The following FUT8 variants were observed in gnomAD, a reference collection of about 807,000 sequenced individuals.
FUT8 encodes fucosyltransferase 8, also known as alpha-(1,6)-fucosyltransferase.
In FUT8, 29 loss-of-function variants were observed where a neutral mutation model predicts 71.3. The observed-to-expected ratio is 0.41, with a 90% CI of 0.30 to 0.55. The LOEUF is 0.55. FUT8 is among the 20% of genes least tolerant of loss of function. The probability of loss-of-function intolerance (pLI) is 0.34; values close to 1 mark genes in which losing one functional copy is unlikely to be tolerated. For synonymous variants in FUT8, 254 were observed against 239.3 expected (o/e 1.06, Z -0.57); for missense variants, 544 against 702.1 (o/e 0.77, Z 2.55).
chr14:65,666,759 G>A (rs939345600), intron 6 of FUT8, among the ~76,000 whole-genome samples: 3 of 152,026 alleles, frequency 2.0e-5, no homozygotes, highest in African/African-American at 7.2e-5. Flanking sequence ...GATGAACATA[G>A]ATGCAAAAAT....
At chr14:65,545,645 A>C (rs539578637) in intron 2 of FUT8, among the ~76,000 whole-genome samples, 3 of 151,874 alleles carry the variant, frequency 2.0e-5, no homozygotes, top group East Asian at 3.9e-4. Flanking sequence ...TACTCTTTTC[A>C]GTTGTTAAAA....
intron 3 of FUT8, among the ~76,000 whole-genome samples, chr14:65,586,601 G>A (rs1374745655): frequency 6.6e-6 from 1 of 152,150 alleles, no homozygotes; most frequent in Non-Finnish European, 1.5e-5. Context: ...GGAGTTGGAA[G>A]TATTTTCATG....
intron 3 of FUT8, among the ~76,000 whole-genome samples, chr14:65,591,407 C>T (rs989619244): frequency 5.3e-5 from 8 of 152,148 alleles, no homozygotes; most frequent in East Asian, 3.8e-4. Flanking sequence ...AAATTCAACT[C>T]CCTTGTTCTG....
At chr14:65,570,462 GA>G (rs1230540272) in intron 3 of FUT8, among the ~76,000 whole-genome samples, 2 of 151,722 alleles carry the variant, frequency 1.3e-5, no homozygotes, top group African/African-American at 4.8e-5. Context: ...CAGTGAGAAT[GA>G]GAATAGGGTT....
At chr14:65,479,501 A>G (rs1285329105) in intron 2 of FUT8, among the ~76,000 whole-genome samples, 2 of 152,104 alleles carry the variant, frequency 1.3e-5, no homozygotes, top group African/African-American at 4.8e-5. Flanking sequence ...TATGAGTGAG[A>G]TTCAGCATTT....
At chr14:65,568,796 T>C (rs1257065688) in intron 3 of FUT8, among the ~76,000 whole-genome samples, 1 of 151,700 alleles carries the variant, frequency 6.6e-6, no homozygotes, top group Non-Finnish European at 1.5e-5. Flanking sequence ...TATTAATTTT[T>C]ATAAACACTC....
chr14:65,391,399 A>T, the FUT8 span, among the ~76,000 whole-genome samples: 1 of 152,172 alleles, frequency 6.6e-6, no homozygotes, highest in Non-Finnish European at 1.5e-5. Context: ...CTTGTTGCCC[A>T]GGCTGCAGTG....
intron 6 of FUT8, among the ~76,000 whole-genome samples, chr14:65,633,377 A>G (rs1890321943): frequency 6.6e-6 from 1 of 150,704 alleles, no homozygotes; most frequent in Non-Finnish European, 1.5e-5. Context: ...TACAACCTCC[A>G]CCTCCCAGCC....
At chr14:65,542,212 G>A (rs1021096128) in intron 2 of FUT8, among the ~76,000 whole-genome samples, 1 of 152,068 alleles carries the variant, frequency 6.6e-6, no homozygotes, top group Non-Finnish European at 1.5e-5. Flanking sequence ...GAATTATGAC[G>A]GTCATTTTAA....
intron 7 of FUT8, among the ~76,000 whole-genome samples, chr14:65,685,979 G>A (rs1893269329): frequency 6.6e-6 from 1 of 152,128 alleles, no homozygotes; most frequent in Non-Finnish European, 1.5e-5. Context: ...CTGTGATTTA[G>A]AATACCTGAC....
intron 2 of FUT8, among the ~76,000 whole-genome samples, chr14:65,527,096 T>G (rs1013304685): frequency 1.3e-5 from 2 of 152,170 alleles, no homozygotes; most frequent in Admixed American, 6.5e-5. Context: ...TTTCCTGAAT[T>G]TGAATGTTGG....
intron 2 of FUT8, among the ~76,000 whole-genome samples, chr14:65,507,094 T>C (rs1415188502): frequency 6.6e-6 from 1 of 152,242 alleles, no homozygotes; most frequent in African/African-American, 2.4e-5. Flanking sequence ...GTAATTGACA[T>C]TGTGGACTTT....
intron 2 of FUT8, among the ~76,000 whole-genome samples, chr14:65,505,306 GTTTT>G (rs1001286768): frequency 4.2e-5 from 4 of 95,768 alleles, no homozygotes; most frequent in African/African-American, 1.3e-4. Flanking sequence ...CTACATTTCA[GTTTT>G]TTTTTTTTTT....
At chr14:65,685,012 A>G (rs989851836) in intron 7 of FUT8, among the ~76,000 whole-genome samples, 1 of 152,220 alleles carries the variant, frequency 6.6e-6, no homozygotes, top group African/African-American at 2.4e-5. Flanking sequence ...TAGGGGCCAC[A>G]GGTAAGAGAA....
At chr14:65,408,409 T>TG (rs1300104034), upstream of FUT8, among the ~76,000 whole-genome samples, 1 of 152,100 alleles carries the variant, frequency 6.6e-6, no homozygotes, top group Non-Finnish European at 1.5e-5. Flanking sequence ...GGAGGGTATC[T>TG]GGGGGTGGGT....
At chr14:65,436,991 T>C (rs1325821690) in intron 1 of FUT8, among the ~76,000 whole-genome samples, 1 of 152,226 alleles carries the variant, frequency 6.6e-6, no homozygotes, top group Non-Finnish European at 1.5e-5. Context: ...CTGGGAGACA[T>C]AAAGGCCTAT....
At chr14:65,517,567 C>T (rs181640199) in intron 2 of FUT8, among the ~76,000 whole-genome samples, 35 of 152,244 alleles carry the variant, frequency 2.3e-4, no homozygotes, top group African/African-American at 7.5e-4. Context: ...TATGCATATT[C>T]CATTCAAGCA....
intron 3 of FUT8, among the ~76,000 whole-genome samples, chr14:65,608,555 T>G (rs954237400): frequency 1.3e-5 from 2 of 152,020 alleles, no homozygotes; most frequent in Non-Finnish European, 2.9e-5. Context: ...AGAGTGGGGC[T>G]AATGTTTGGG....
At chr14:65,563,628 A>C (rs78974908) in intron 3 of FUT8, among the ~76,000 whole-genome samples, 1 of 152,000 alleles carries the variant, frequency 6.6e-6, no homozygotes, top group African/African-American at 2.4e-5. Context: ...CTTCTATATC[A>C]TGGGAATTTT....
Sources: allele counts gnomAD v4.1 joint callset (sites outside exome capture counted in the v4.1 genomes callset), GRCh38; gene constraint gnomAD v4.1.1; transcripts MANE v1.5; gene names NCBI Gene and HGNC (gene_info 2026-07-23, HGNC 2026-07-21).